The following PKNOX2 variants were observed in gnomAD, a reference collection of about 807,000 sequenced individuals.
The protein encoded by PKNOX2 is PBX/knotted 1 homeobox 2, also known as homeobox protein PKNOX2.
Under a neutral mutation model 53.1 loss-of-function variants are expected in PKNOX2, and 14 were observed. The observed-to-expected ratio is 0.26, with a 90% CI of 0.17 to 0.41. The LOEUF (loss-of-function observed/expected upper bound fraction) is 0.41, where lower values mean the gene tolerates loss of function less well. Among genes scored for constraint, PKNOX2 ranks in the 10% least tolerant of loss-of-function variants. The pLI, the probability that PKNOX2 is intolerant of heterozygous loss-of-function variation, is 1.00. For missense variants in PKNOX2, 496 were observed against 602.8 expected (o/e 0.82, Z 1.85); for synonymous variants, 257 against 242.8 (o/e 1.06, Z -0.54).
At position 125,432,733 on chromosome 11, in the gene PKNOX2, C is replaced by G. The variant is rs1391887540; in HGVS notation, c.*1341C>G. The G allele has an allele frequency of 6.5e-6, 1 of 152,760 alleles. No homozygotes were observed. Among genetic ancestry groups the G allele is most frequent in the Non-Finnish European group, 1.5e-5 (1 of 68,106 alleles). The allele number at this position is 152,760 out of a possible 1,614,324, so 9.5% of individuals were successfully genotyped here. ...CACCCTCTCCTCCGGTTCCCTCTCA[C>G]CCCATGGCTGTGAATGACAGGACAG... On this transcript the variant is annotated 3_prime_UTR_variant, in exon 13 of 13. Transcript: ENST00000298282.
intron 2 of PKNOX2, among the ~76,000 whole-genome samples, chr11:125,294,219 T>C (rs1414003167): frequency 6.6e-6 from 1 of 152,340 alleles, no homozygotes; most frequent in South Asian, 2.1e-4. Flanking sequence ...ATATTCCTGT[T>C]AAGGAAGCCA....
chr11:125,340,556 C>A (rs1950629335), intron 3 of PKNOX2, among the ~76,000 whole-genome samples: 3 of 152,170 alleles, frequency 2.0e-5, no homozygotes, highest in Admixed American at 6.5e-5. Context: ...GGAAAAGAGA[C>A]CAGGTGACCC....
chr11:125,423,010 A>G (rs998199359), intron 10 of PKNOX2, among the ~76,000 whole-genome samples: 11 of 152,034 alleles, frequency 7.2e-5, no homozygotes, highest in African/African-American at 2.7e-4. Flanking sequence ...GCTTTCGTAT[A>G]TTAACTCATT....
chr11:125,279,386 G>C (rs1240883544), intron 2 of PKNOX2, among the ~76,000 whole-genome samples: 14 of 152,176 alleles, frequency 9.2e-5, no homozygotes, highest in Admixed American at 9.2e-4. Flanking sequence ...ACTGGATCTG[G>C]AGACTCACAA....
chr11:125,313,835 G>T (rs1037796478), intron 2 of PKNOX2, among the ~76,000 whole-genome samples: 1 of 152,198 alleles, frequency 6.6e-6, no homozygotes, highest in Non-Finnish European at 1.5e-5. Context: ...GGTGTCCATG[G>T]TATTGGAAAA....
intron 2 of PKNOX2, among the ~76,000 whole-genome samples, chr11:125,254,203 GA>G (rs777782363): frequency 6.6e-6 from 1 of 152,060 alleles, no homozygotes; most frequent in Non-Finnish European, 1.5e-5. Flanking sequence ...TTTTTACAAA[GA>G]AAAAAATGTC....
At chr11:125,320,112 T>G (rs1949436353) in intron 2 of PKNOX2, among the ~76,000 whole-genome samples, 1 of 152,214 alleles carries the variant, frequency 6.6e-6, no homozygotes, top group Non-Finnish European at 1.5e-5. Flanking sequence ...TCATATCCCT[T>G]GCTGTTTCCT....
At chr11:125,201,032 C>A (rs907385302) in intron 1 of PKNOX2, among the ~76,000 whole-genome samples, 1 of 152,186 alleles carries the variant, frequency 6.6e-6, no homozygotes, top group Non-Finnish European at 1.5e-5. Context: ...TTAATGCAGA[C>A]CACTGTCCTC....
intron 2 of PKNOX2, among the ~76,000 whole-genome samples, chr11:125,303,343 T>C (rs1948203912): frequency 1.3e-5 from 2 of 152,184 alleles, no homozygotes; most frequent in Admixed American, 1.3e-4. Flanking sequence ...GGCTGAGGAA[T>C]GTGCCTGGGG....
intron 10 of PKNOX2, 44 bp from the exon 11 acceptor site, chr11:125,428,968 T>G: frequency 6.4e-7 from 1 of 1,556,038 alleles, no homozygotes. Flanking sequence ...GGGGGCCAGA[T>G]CAGCATATGC....
chr11:125,334,621 C>G (rs1288763796), intron 3 of PKNOX2, among the ~76,000 whole-genome samples: 1 of 147,108 alleles, frequency 6.8e-6, no homozygotes, highest in Admixed American at 6.9e-5. Flanking sequence ...TTTTTTGAGA[C>G]AGGGTCTCAC....
intron 5 of PKNOX2, among the ~76,000 whole-genome samples, chr11:125,368,750 C>T (rs1952336406): frequency 6.6e-6 from 1 of 152,162 alleles, no homozygotes; most frequent in Admixed American, 6.5e-5. Flanking sequence ...ATGCCTGTCT[C>T]CTTGATGAAC....
intron 1 of PKNOX2, among the ~76,000 whole-genome samples, chr11:125,186,677 T>G (rs1956466659): frequency 6.6e-6 from 1 of 152,090 alleles, no homozygotes; most frequent in Non-Finnish European, 1.5e-5. Flanking sequence ...CAAAAATAAA[T>G]AGATAATTGT....
chr11:125,324,785 T>C (rs1949736379), intron 2 of PKNOX2, among the ~76,000 whole-genome samples: 1 of 152,116 alleles, frequency 6.6e-6, no homozygotes, highest in African/African-American at 2.4e-5. Context: ...GCACTTACCT[T>C]CACCTGCTTC....
chr11:125,332,782 C>G (rs1156301568), intron 3 of PKNOX2: 1 of 152,134 alleles, frequency 6.6e-6, no homozygotes, highest in African/African-American at 2.4e-5. Flanking sequence ...CCTCACAAAG[C>G]TGGTTTCCCT....
At chr11:125,296,478 TGTCATCTCATCATCAAG>T (rs1947663963) in intron 2 of PKNOX2, among the ~76,000 whole-genome samples, 1 of 152,142 alleles carries the variant, frequency 6.6e-6, no homozygotes, top group Non-Finnish European at 1.5e-5. Flanking sequence ...TCTATTCAAC[TGTCATCTCATCATCAAG>T]GTCACCTGAC....
At chr11:125,371,244 G>A (rs778741541) in intron 5 of PKNOX2, among the ~76,000 whole-genome samples, 3 of 152,162 alleles carry the variant, frequency 2.0e-5, no homozygotes, top group South Asian at 2.1e-4. Flanking sequence ...GATGCACATC[G>A]CGGGTAATTG....
intron 1 of PKNOX2, among the ~76,000 whole-genome samples, chr11:125,226,661 T>G (rs1187505207): frequency 2.0e-5 from 3 of 152,126 alleles, no homozygotes; most frequent in Non-Finnish European, 4.4e-5. Flanking sequence ...TTAGATTTCC[T>G]GCTTATCGTT....
intron 5 of PKNOX2, among the ~76,000 whole-genome samples, chr11:125,381,736 C>A (rs1259833994): frequency 6.6e-6 from 1 of 152,190 alleles, no homozygotes; most frequent in Non-Finnish European, 1.5e-5. Flanking sequence ...TCCCTCCACT[C>A]CCCACCTGCC....
Sources: allele counts gnomAD v4.1 joint callset (sites outside exome capture counted in the v4.1 genomes callset), GRCh38; gene constraint gnomAD v4.1.1; transcripts MANE v1.5; gene names NCBI Gene and HGNC (gene_info 2026-07-23, HGNC 2026-07-21).